The following CORO1C variants were observed in gnomAD, a reference collection of about 807,000 sequenced individuals.
CORO1C encodes the protein coronin-1C.
Under a neutral mutation model 51.2 loss-of-function variants are expected in CORO1C, and 14 were observed. The ratio of observed to expected loss-of-function variants is 0.27; its 90% confidence interval spans 0.18 to 0.43. The LOEUF (loss-of-function observed/expected upper bound fraction) is 0.43, where lower values mean the gene tolerates loss of function less well. CORO1C is among the 20% of genes least tolerant of loss of function. The pLI is 1.00. For synonymous variants in CORO1C, 181 were observed against 210.5 expected, an observed-to-expected ratio of 0.86 and a Z score of 1.21; for missense variants, 417 against 607.8, an observed-to-expected ratio of 0.69 and a Z score of 3.30.
At chr12:108,664,048 T>A (rs2033380392) in intron 3 of CORO1C, among the ~76,000 whole-genome samples, 1 of 152,176 alleles carries the variant, frequency 6.6e-6, no homozygotes, top group South Asian at 2.1e-4. Flanking sequence ...AAGGGCTGAG[T>A]TACAGGTAAG....
chr12:108,707,545 T>C (rs969378531), intron 1 of CORO1C, among the ~76,000 whole-genome samples: 18 of 152,254 alleles, frequency 1.2e-4, no homozygotes, highest in South Asian at 2.1e-4. Context: ...GAAGAAAACA[T>C]AGGAGTAAAT....
Position 108,719,714 on chromosome 12 carries a change from C to T in CORO1C, c.-6+11715G>A, listed in dbSNP as rs1297780667. Among the ~76,000 whole-genome samples, 141 of 152,070 alleles carry T rather than the reference C, an allele frequency of 9.3e-4. 1 individual carries two copies. Among genetic ancestry groups the T allele is most frequent in the Non-Finnish European group, 3.2e-4 (22 of 68,024 alleles). On this transcript the variant is annotated intron_variant, in intron 1 of 10. Transcript: ENST00000261401. Reference sequence around the variant, plus strand: ...ACATAAGGCTATTTAATGACAATAGCGCATTAAAGGATGAGAAACTCAAAA... The same window carrying T: ...ACATAAGGCTATTTAATGACAATAGTGCATTAAAGGATGAGAAACTCAAAA...
At chr12:108,660,177 C>A (rs527799911) in intron 4 of CORO1C, among the ~76,000 whole-genome samples, 1 of 152,150 alleles carries the variant, frequency 6.6e-6, no homozygotes, top group South Asian at 2.1e-4. Flanking sequence ...ACTGGCCGGG[C>A]ACGGTGGCTC....
At chr12:108,717,904 G>A (rs940753461) in intron 1 of CORO1C, among the ~76,000 whole-genome samples, 3 of 152,078 alleles carry the variant, frequency 2.0e-5, no homozygotes, top group Non-Finnish European at 2.9e-5. Context: ...GAAGAAAAAC[G>A]TATTGAGCAT....
intron 2 of CORO1C, among the ~76,000 whole-genome samples, chr12:108,689,340 A>T (rs376985274): frequency 6.6e-6 from 1 of 152,256 alleles, no homozygotes; most frequent in Admixed American, 6.5e-5. Context: ...TTCACAAAGT[A>T]ATAAATTCCC....
At chr12:108,712,993 C>A (rs1411474641) in intron 1 of CORO1C, among the ~76,000 whole-genome samples, 1 of 150,904 alleles carries the variant, frequency 6.6e-6, no homozygotes, top group Admixed American at 6.6e-5. Context: ...TTAAATCCAG[C>A]AGTGACACTC....
At chr12:108,683,057 A>C (rs1312118369) in intron 2 of CORO1C, among the ~76,000 whole-genome samples, 1 of 152,228 alleles carries the variant, frequency 6.6e-6, no homozygotes, top group Admixed American at 6.5e-5. Flanking sequence ...AAAGACTGAA[A>C]ATTAATGCAT....
intron 4 of CORO1C, 102 bp downstream of exon 4, chr12:108,661,927 T>C: frequency 7.3e-7 from 1 of 1,361,552 alleles, no homozygotes; most frequent in Non-Finnish European, 1.0e-6. Context: ...AATAATCTGC[T>C]TTAAAACCAT....
Position 108,658,182 on chromosome 12 carries a change from C to A in CORO1C, c.630+556G>T, listed in dbSNP as rs576453380. Among the ~76,000 whole-genome samples the A allele has an allele frequency of 1.0e-3, 154 of 152,114 alleles. No individual in the cohort carries two copies. Among genetic ancestry groups the A allele is most frequent in the Non-Finnish European group, 1.8e-3 (122 of 68,010 alleles). On this transcript the variant is annotated intron_variant, in intron 5 of 10. Transcript: ENST00000261401. The surrounding 1 kb of genome is among the most constrained non-coding windows in gnomAD (Gnocchi z 4.9). ...ATGAGAGAACTTGTTGCTTTTCGCCCTGCGCATTTATTTATTTATTTATTT... is the reference window on the plus strand; with the variant it reads ...ATGAGAGAACTTGTTGCTTTTCGCCATGCGCATTTATTTATTTATTTATTT...
Position 108,682,443 on chromosome 12 carries a change from T to C in CORO1C, c.196-4049A>G, listed in dbSNP as rs555543688. ...TTAAGGTGAAATGCACTATTAGCGA[T>C]TAATGTCACTATCTGACATCTAAAG... is the stretch of plus-strand genomic sequence containing the variant. On this transcript the variant is annotated intron_variant, in intron 2 of 10. Coordinates refer to ENST00000261401, the MANE Select transcript of CORO1C (RefSeq NM_014325.4). 5.3e-5 allele frequency among the ~76,000 whole-genome samples: 8 copies of C among 152,326 alleles called. No homozygotes were observed. The South Asian group carries it at 1.7e-3, about 32-fold the overall frequency.
At chr12:108,724,474 T>C (rs1234853458) in intron 1 of CORO1C, among the ~76,000 whole-genome samples, 2 of 152,152 alleles carry the variant, frequency 1.3e-5, no homozygotes, top group African/African-American at 2.4e-5. Context: ...ATCTGTAAAA[T>C]GAGGAATAGA....
chr12:108,728,437 T>C (rs1217693168), intron 1 of CORO1C, among the ~76,000 whole-genome samples: 1 of 152,018 alleles, frequency 6.6e-6, no homozygotes, highest in Non-Finnish European at 1.5e-5. Flanking sequence ...ACATAGTGTA[T>C]GATTCCATTT....
At chr12:108,728,888 T>C (rs754080195) in intron 1 of CORO1C, among the ~76,000 whole-genome samples, 5 of 152,184 alleles carry the variant, frequency 3.3e-5, no homozygotes, top group Non-Finnish European at 5.9e-5. Context: ...AGAGAAGTCA[T>C]AAATGGAAAA....
At chr12:108,717,738 A>T (rs2035373910) in intron 1 of CORO1C, among the ~76,000 whole-genome samples, 1 of 152,338 alleles carries the variant, frequency 6.6e-6, no homozygotes, top group Non-Finnish European at 1.5e-5. Flanking sequence ...AGCTTCAAAG[A>T]GCCTTCTGTT....
intron 2 of CORO1C, among the ~76,000 whole-genome samples, chr12:108,688,697 A>T (rs1458192723): frequency 6.6e-6 from 1 of 151,658 alleles, no homozygotes; most frequent in Non-Finnish European, 1.5e-5. Flanking sequence ...ATCTGAGGTC[A>T]GGAGTTCAAG....
At chr12:108,691,735 C>G (rs1278560677) in intron 2 of CORO1C, among the ~76,000 whole-genome samples, 1 of 152,186 alleles carries the variant, frequency 6.6e-6, no homozygotes, top group Non-Finnish European at 1.5e-5. Context: ...TGTCAGAGCC[C>G]TGTCAGGCCT....
At chr12:108,689,945 T>A (rs2034439374) in intron 2 of CORO1C, among the ~76,000 whole-genome samples, 1 of 152,208 alleles carries the variant, frequency 6.6e-6, no homozygotes, top group South Asian at 2.1e-4. Flanking sequence ...ATTCACACTG[T>A]GCAGAGTTCA....
chr12:108,699,336 T>C (rs888279915), intron 2 of CORO1C, among the ~76,000 whole-genome samples: 2 of 152,194 alleles, frequency 1.3e-5, no homozygotes, highest in African/African-American at 4.8e-5. Flanking sequence ...ACAGAACCTT[T>C]GTGGATGTGA....
intron 2 of CORO1C, among the ~76,000 whole-genome samples, chr12:108,690,207 G>C (rs1281018150): frequency 1.3e-5 from 2 of 152,204 alleles, no homozygotes; most frequent in East Asian, 1.9e-4. Flanking sequence ...GTCCCTGAGA[G>C]TGACAGCTCA....
Sources: gnomAD v4.1 joint callset for allele counts (sites outside exome capture counted in the v4.1 genomes callset) on GRCh38, gnomAD v4.1.1 for gene constraint, Gnocchi (gnomAD v3.1) non-coding constraint, MANE v1.5 for transcripts, NCBI Gene and HGNC (gene_info 2026-07-23, HGNC 2026-07-21) for gene names.